Variants in SLC30A8 observed in about 807,000 individuals in gnomAD.
SLC30A8 encodes the protein proton-coupled zinc antiporter SLC30A8.
Under a neutral mutation model 36.9 loss-of-function variants are expected in SLC30A8, and 27 were observed. The ratio of observed to expected loss-of-function variants is 0.73; its 90% confidence interval spans 0.54 to 1.01. The LOEUF (loss-of-function observed/expected upper bound fraction) is 1.01. SLC30A8 is among the 50% of genes least tolerant of loss of function. The pLI is 0.00. For synonymous variants in SLC30A8, 164 were observed against 172.4 expected (o/e 0.95, Z 0.38); for missense variants, 439 against 452.0 (o/e 0.97, Z 0.26).
At chr8:116,984,189 AGTTT>A (rs772986066) in intron 1 of SLC30A8, among the ~76,000 whole-genome samples, 17 of 152,014 alleles carry the variant, frequency 1.1e-4, no homozygotes, top group Non-Finnish European at 1.9e-4. Context: ...GATGTGTCAT[AGTTT>A]GTTTAACTTT....
At chr8:117,133,505 G>C (rs1821222296), upstream of SLC30A8, among the ~76,000 whole-genome samples, 1 of 151,946 alleles carries the variant, frequency 6.6e-6, no homozygotes, top group African/African-American at 2.4e-5. Context: ...ATTTCCTGTT[G>C]ATATCTATAG....
rs1228750772 is a variant in SLC30A8 at position 116,985,304 on chromosome 8, A to C, written c.-266+34185A>C. 3.2e-5 allele frequency among the ~76,000 whole-genome samples: 4 copies of C among 125,494 alleles called. No homozygotes were observed. In the South Asian group the frequency reaches 8.9e-4, roughly 28 times the overall value. The allele number at this position is 125,494 out of a possible 152,430, so 82.3% of individuals were successfully genotyped here. On this transcript the variant is annotated intron_variant, in intron 1 of 10. Coordinates refer to the SLC30A8 transcript ENST00000427715. ...CATGCTCACACACATACACACACAC[A>C]CACACACACACACACACACACACAC...
chr8:117,169,826 C>G (rs1224831317), intron 6 of SLC30A8, among the ~76,000 whole-genome samples: 1 of 152,076 alleles, frequency 6.6e-6, no homozygotes, highest in East Asian at 1.9e-4. Flanking sequence ...AAGACAGCAC[C>G]AAGCCATGAG....
chr8:116,954,366 C>T (rs1814112308), intron 1 of SLC30A8, among the ~76,000 whole-genome samples: 1 of 151,834 alleles, frequency 6.6e-6, no homozygotes, highest in South Asian at 2.1e-4. Flanking sequence ...TAACTAAAAC[C>T]AAGAGGAGAG....
intron 2 of SLC30A8, among the ~76,000 whole-genome samples, chr8:117,150,751 G>A (rs1053614874): frequency 2.0e-5 from 3 of 151,954 alleles, no homozygotes; most frequent in African/African-American, 7.3e-5. Context: ...GACTACAGTC[G>A]CCTGCCACCA....
chr8:117,099,551 C>G (rs1474937018), intron 2 of SLC30A8, among the ~76,000 whole-genome samples: 1 of 151,896 alleles, frequency 6.6e-6, no homozygotes, highest in Non-Finnish European at 1.5e-5. Context: ...AAGGGTCAAC[C>G]AAAAAGAAAG....
At chr8:117,169,087 A>G (rs1434194992) in intron 6 of SLC30A8, among the ~76,000 whole-genome samples, 2 of 151,534 alleles carry the variant, frequency 1.3e-5, no homozygotes, top group Non-Finnish European at 2.9e-5. Flanking sequence ...CTTTATTCAC[A>G]TTGTATGGCT....
chr8:117,018,206 C>T (rs569123228), intron 1 of SLC30A8: 4 of 152,202 alleles, frequency 2.6e-5, no homozygotes, highest in African/African-American at 9.6e-5. Context: ...CTGTGTATAG[C>T]CACTGCATTC....
intron 1 of SLC30A8, among the ~76,000 whole-genome samples, chr8:116,964,248 C>T (rs1315566646): frequency 6.6e-6 from 1 of 152,108 alleles, no homozygotes; most frequent in Non-Finnish European, 1.5e-5. Context: ...AGTATGAGCA[C>T]GCTGATGCTG....
At chr8:117,079,170 C>A (rs1399815091) in intron 2 of SLC30A8, among the ~76,000 whole-genome samples, 2 of 151,906 alleles carry the variant, frequency 1.3e-5, no homozygotes, top group African/African-American at 4.8e-5. Context: ...GGCCACCATG[C>A]CTGGCTAATT....
At chr8:117,090,071 C>G (rs1019388012) in intron 2 of SLC30A8, among the ~76,000 whole-genome samples, 2 of 152,050 alleles carry the variant, frequency 1.3e-5, no homozygotes, top group African/African-American at 4.8e-5. Context: ...CTCCCAGGTT[C>G]AAGCGATTCT....
In SLC30A8 at chr8:117,146,949, CA is replaced by C. The variant is rs753710592; in HGVS notation, c.72-4del. On this transcript the variant is annotated splice_polypyrimidine_tract_variant and splice_region_variant and intron_variant, in intron 1 of 7. Transcript: ENST00000456015. ...ACTTCTTGCTTCTGTCAAACTCATC[CA>C]TAGTGTGGAACTCCAACAGAAACCG... 13 of 1,613,724 alleles carry C rather than the reference CA, an allele frequency of 8.1e-6. No homozygotes were observed. Among genetic ancestry groups the C allele is most frequent in the Non-Finnish European group, 9.3e-6 (11 of 1,179,834 alleles).
At chr8:117,012,638 C>T (rs1433335625) in intron 1 of SLC30A8, among the ~76,000 whole-genome samples, 1 of 150,866 alleles carries the variant, frequency 6.6e-6, no homozygotes, top group African/African-American at 2.4e-5. Flanking sequence ...GAGCCAATCC[C>T]CAAGGATACA....
intron 2 of SLC30A8, among the ~76,000 whole-genome samples, chr8:117,126,035 C>G (rs1315722702): frequency 1.3e-5 from 2 of 151,828 alleles, no homozygotes; most frequent in African/African-American, 2.4e-5. Context: ...TGTTTTCCCC[C>G]CTCGATGAAG....
chr8:117,084,825 A>G (rs1227384224), intron 2 of SLC30A8, among the ~76,000 whole-genome samples: 1 of 152,174 alleles, frequency 6.6e-6, no homozygotes, highest in Non-Finnish European at 1.5e-5. Flanking sequence ...AAGAAGTTAC[A>G]GTCCTCATGT....
At chr8:117,162,023 GCAAA>G (rs1822818270) in intron 5 of SLC30A8, 135 bp downstream of exon 5, 6 of 662,742 alleles carry the variant, frequency 9.1e-6, no homozygotes, top group South Asian at 2.9e-5. Context: ...GCTAAAGCAA[GCAAA>G]CACTCAACCA....
At chr8:117,007,298 A>G (rs987937536) in intron 1 of SLC30A8, among the ~76,000 whole-genome samples, 2 of 152,046 alleles carry the variant, frequency 1.3e-5, no homozygotes, top group Non-Finnish European at 2.9e-5. Context: ...GTGTTGCAAA[A>G]CAGGTTTTGG....
At chr8:116,973,439 T>G (rs936204582) in intron 1 of SLC30A8, among the ~76,000 whole-genome samples, 3 of 152,164 alleles carry the variant, frequency 2.0e-5, no homozygotes, top group Non-Finnish European at 4.4e-5. Flanking sequence ...CCATTCACAA[T>G]TACTTCAAAG....
intron 1 of SLC30A8, among the ~76,000 whole-genome samples, chr8:117,019,358 A>G (rs1319113313): frequency 1.3e-5 from 2 of 152,322 alleles, no homozygotes; most frequent in South Asian, 2.1e-4. Flanking sequence ...TCACAATTTC[A>G]TACAAAAATA....
Sources: gnomAD v4.1 joint callset for allele counts (sites outside exome capture counted in the v4.1 genomes callset) on GRCh38, gnomAD v4.1.1 for gene constraint, MANE v1.5 for transcripts, NCBI Gene and HGNC (gene_info 2026-07-23, HGNC 2026-07-21) for gene names.